MIER1: variants seen among roughly 807,000 people sequenced by gnomAD.
MIER1 encodes the protein MIER1 transcriptional regulator, also known as mesoderm induction early response protein 1.
In MIER1, 40 loss-of-function variants were observed where a neutral mutation model predicts 75.7. The observed-to-expected ratio is 0.53, with a 90% CI of 0.41 to 0.69. The LOEUF (loss-of-function observed/expected upper bound fraction) is 0.69, where lower values mean the gene tolerates loss of function less well. MIER1 is among the 30% of genes least tolerant of loss of function. The pLI is 0.00. For synonymous variants in MIER1, 213 were observed against 223.4 expected, an observed-to-expected ratio of 0.95 and a Z score of 0.42; for missense variants, 574 against 680.2, an observed-to-expected ratio of 0.84 and a Z score of 1.74.
intron 13 of MIER1, among the ~76,000 whole-genome samples, chr1:66,983,424 C>T (rs1034518086): frequency 3.3e-5 from 5 of 152,016 alleles, no homozygotes; most frequent in East Asian, 1.9e-4. Context: ...TCCTTTATGC[C>T]GAATATTTTT....
At position 66,986,313 on chromosome 1, in the gene MIER1, T is replaced by G; in HGVS notation, c.*1413T>G. Reference sequence around the variant, plus strand: ...CCATTTTATTTTTAGTGCTAAATTCTTGTTAAATAATGTAGTTTTATATAG... The same window carrying G: ...CCATTTTATTTTTAGTGCTAAATTCGTGTTAAATAATGTAGTTTTATATAG... On this transcript the variant is annotated 3_prime_UTR_variant, in exon 14 of 14. Coordinates refer to ENST00000401041, the MANE Select transcript of MIER1 (RefSeq NM_001077700.3). 1 of 1,520,564 alleles carries G rather than the reference T, an allele frequency of 6.6e-7. No individual in the cohort carries two copies. The highest frequency in any genetic ancestry group is 8.8e-7 in the Non-Finnish European group (1 of 1,142,454). The allele number at this position is 1,520,564 out of a possible 1,614,324, so 94.2% of individuals were successfully genotyped here. A position where few individuals can be genotyped will look rare whatever the true frequency, so the allele number is the denominator to read the frequency against.
At chr1:66,950,118 T>C (rs184044187) in intron 4 of MIER1, among the ~76,000 whole-genome samples, 68 of 152,316 alleles carry the variant, frequency 4.5e-4, no homozygotes, top group African/African-American at 1.6e-3. Context: ...TGTTTTGTTT[T>C]GTTTTTTTGA....
rs757311504 is a variant in MIER1 at position 66,984,836 on chromosome 1, C to T, written c.1634C>T (p.Ser545Phe). Reference protein sequence around the residue: ...NSNGKESPGSSEFFQEAVSHG... With the variant: ...NSNGKESPGSFEFFQEAVSHG... ...AATGGAAAAGAAAGTCCAGGTTCTT[C>T]TGAATTTTTCCAAGAAGCAGTCTCA... The change falls in exon 14 of 14, where the codon TCT (serine) becomes TTT (phenylalanine). Residue 545 changes from serine (S) to phenylalanine (F), a missense_variant. Ser to Phe is a radical substitution (Grantham distance 155). Around this residue, in one of 3 missense-constraint regions of MIER1, gnomAD observed 164 missense variants for 154.3 expected, o/e 1.06. Transcript: ENST00000401041. The T allele has an allele frequency of 5.0e-5, 80 of 1,609,512 alleles. No individual in the cohort carries two copies. The highest frequency in any genetic ancestry group is 6.6e-5 in the Non-Finnish European group (78 of 1,178,788).
chr1:66,946,637 TCTC>T (rs749716111), intron 4 of MIER1: 11 of 1,000,372 alleles, frequency 1.1e-5, no homozygotes, highest in Non-Finnish European at 1.2e-5. Context: ...TTTTACTTAT[TCTC>T]CTTCAGAGCC....
chr1:66,950,242 A>T (rs1658609934), intron 4 of MIER1, among the ~76,000 whole-genome samples: 1 of 152,022 alleles, frequency 6.6e-6, no homozygotes, highest in Non-Finnish European at 1.5e-5. Context: ...TTGAGTAGCT[A>T]GGATTATAGG....
chr1:66,978,864 A>G (rs1191506827), intron 12 of MIER1, among the ~76,000 whole-genome samples: 2 of 152,190 alleles, frequency 1.3e-5, no homozygotes, highest in African/African-American at 2.4e-5. Context: ...CAAATGTTCT[A>G]ATTTCTCTAT....
Position 66,940,047 on chromosome 1 carries a change from G to T in MIER1, c.188G>T (p.Ser63Ile), listed in dbSNP as rs1224588220. Residue 63 changes from serine to isoleucine, a missense_variant, in exon 3 of 14, where the codon AGT becomes ATT. Physicochemically the swap from Ser to Ile is moderately radical, Grantham distance 142 (BLOSUM62 -2). Coordinates refer to ENST00000401041, the MANE Select transcript of MIER1 (RefSeq NM_001077700.3). ...TCTCAGCCATCTGTTGAATCTTCAAGTCCAGGTAAGTATTTTCCATATTTT... is the reference window on the plus strand; with the variant it reads ...TCTCAGCCATCTGTTGAATCTTCAATTCCAGGTAAGTATTTTCCATATTTT... ...DVMLPSVESSSPGGSATSDDH... is the reference protein window; with the variant it reads ...DVMLPSVESSIPGGSATSDDH... The T allele has an allele frequency of 1.9e-6, 3 of 1,604,326 alleles. No homozygotes were observed. The highest frequency in any genetic ancestry group is 2.6e-6 in the Non-Finnish European group (3 of 1,172,260).
At chr1:66,953,592 T>C (rs1382781622) in intron 4 of MIER1, among the ~76,000 whole-genome samples, 2 of 150,314 alleles carry the variant, frequency 1.3e-5, no homozygotes, top group East Asian at 3.9e-4. Flanking sequence ...AGCATTTTCT[T>C]TTCCTTTTTT....
chr1:66,968,599 T>C (rs1304569760), intron 8 of MIER1, among the ~76,000 whole-genome samples: 2 of 152,224 alleles, frequency 1.3e-5, no homozygotes, highest in African/African-American at 2.4e-5. Context: ...TCCGACTTTT[T>C]TTATTAGGCA....
intron 11 of MIER1, among the ~76,000 whole-genome samples, chr1:66,975,696 A>T (rs563122456): frequency 7.9e-5 from 12 of 152,264 alleles, no homozygotes; most frequent in Middle Eastern, 3.4e-3. Flanking sequence ...ATTTAACATT[A>T]TGTGAGGGGA....
chr1:66,930,313 T>A lies in MIER1; in HGVS notation c.168+4071T>A, dbSNP rs1179461822. ...AGAGACGGCAGCGGCCGGAGTCCCG[T>A]TGCTGAGTCTCACATCCGGGTTCTG... On this transcript the variant is annotated intron_variant, in intron 2 of 13. Coordinates refer to ENST00000401041, the MANE Select transcript of MIER1 (RefSeq NM_001077700.3). The A allele has an allele frequency of 2.5e-6, 4 of 1,586,012 alleles. No homozygotes were observed. In the African/African-American group the frequency reaches 5.6e-5, roughly 22 times the overall value.
chr1:66,959,159 ATATAC>A (rs1394344216), intron 6 of MIER1, among the ~76,000 whole-genome samples, 176 bp downstream of exon 6: 1 of 152,094 alleles, frequency 6.6e-6, no homozygotes, highest in Non-Finnish European at 1.5e-5. Context: ...TTGTTAGTGA[ATATAC>A]TATGGTAATT....
rs566382747 is a variant in MIER1, at chr1:66,981,135, G to A, written c.1230-644G>A. On this transcript the variant is annotated intron_variant, in intron 12 of 13. Coordinates refer to ENST00000401041, the MANE Select transcript of MIER1 (RefSeq NM_001077700.3). Reference sequence around the variant, plus strand: ...TTTGTAGGTGATACACTAAACCTGAGAGAGACAAATCTCTATCCCAGATCT... The same window carrying A: ...TTTGTAGGTGATACACTAAACCTGAAAGAGACAAATCTCTATCCCAGATCT... Among the ~76,000 whole-genome samples, 8 of 152,258 alleles carry A rather than the reference G, an allele frequency of 5.3e-5. No homozygotes were observed. The South Asian group carries it at 1.0e-3, about 20-fold the overall frequency.
At chr1:66,938,120 A>G (rs1655344379) in intron 2 of MIER1, among the ~76,000 whole-genome samples, 1 of 152,192 alleles carries the variant, frequency 6.6e-6, no homozygotes, top group African/African-American at 2.4e-5. Flanking sequence ...TATCTTAATC[A>G]TTGGGAAGTG....
At chr1:66,969,393 A>G (rs1663098489) in intron 8 of MIER1, among the ~76,000 whole-genome samples, 1 of 151,712 alleles carries the variant, frequency 6.6e-6, no homozygotes, top group African/African-American at 2.4e-5. Flanking sequence ...AAAATACAAA[A>G]ACCTAGCCAG....
chr1:66,935,017 G>T (rs1176275285), intron 2 of MIER1, among the ~76,000 whole-genome samples: 6 of 152,118 alleles, frequency 3.9e-5, no homozygotes, highest in Non-Finnish European at 7.4e-5. Context: ...GTTTTGAGGG[G>T]AAAAATTTGT....
chr1:66,981,390 G>A (rs1267665683), intron 12 of MIER1, among the ~76,000 whole-genome samples: 1 of 152,094 alleles, frequency 6.6e-6, no homozygotes, highest in Non-Finnish European at 1.5e-5. Context: ...TTTAGGTATC[G>A]CCTTTAGGAG....
intron 13 of MIER1, 96 bp downstream of exon 13, chr1:66,982,014 A>G: frequency 7.9e-7 from 1 of 1,261,730 alleles, no homozygotes; most frequent in Non-Finnish European, 1.1e-6. Context: ...TTAAACTTCC[A>G]GAGCAGAAAG....
intron 2 of MIER1, among the ~76,000 whole-genome samples, chr1:66,938,438 C>T (rs1411327476): frequency 2.0e-5 from 3 of 152,068 alleles, no homozygotes; most frequent in East Asian, 3.8e-4. Flanking sequence ...ATTAACATTG[C>T]TTGTAGCCTT....
Sources: gnomAD v4.1 joint callset for allele counts (sites outside exome capture counted in the v4.1 genomes callset) on GRCh38, gnomAD v4.1.1 for gene constraint, gnomAD v4.1.1 regional missense constraint, MANE v1.5 for transcripts, NCBI Gene and HGNC (gene_info 2026-07-23, HGNC 2026-07-21) for gene names.